Variants in PALLD observed in about 807,000 individuals in gnomAD.
PALLD encodes palladin.
PALLD carries 61 observed loss-of-function variants against 123.5 expected under a neutral mutation model. The ratio of observed to expected loss-of-function variants is 0.49; its 90% CI spans 0.40 to 0.61. The LOEUF (loss-of-function observed/expected upper bound fraction) is 0.61, where lower values mean the gene tolerates loss of function less well. Ranked by LOEUF, PALLD falls within the 20% of genes least tolerant of loss-of-function variation. The pLI, the probability that PALLD is intolerant of heterozygous loss-of-function variation, is 0.00. For missense variants in PALLD, 1,273 were observed against 1,377.0 expected (o/e 0.92, Z 1.20); for synonymous variants, 465 against 496.4 (o/e 0.94, Z 0.84).
intron 10 of PALLD, among the ~76,000 whole-genome samples, chr4:168,850,209 A>C (rs1292962260): frequency 6.6e-6 from 1 of 152,178 alleles, no homozygotes; most frequent in Non-Finnish European, 1.5e-5. Flanking sequence ...GCGAGGCCTC[A>C]GCCCTCCTGC....
At chr4:168,853,766 C>T (rs1054920632) in intron 10 of PALLD, among the ~76,000 whole-genome samples, 3 of 152,098 alleles carry the variant, frequency 2.0e-5, no homozygotes, top group Admixed American at 1.3e-4. Context: ...GCGAAAGTCA[C>T]TGGGGACAGG....
chr4:168,620,670 T>G (rs1251881180), intron 2 of PALLD, among the ~76,000 whole-genome samples: 1 of 152,138 alleles, frequency 6.6e-6, no homozygotes, highest in African/African-American at 2.4e-5. Context: ...GGCACCCTAG[T>G]CTGTGCGGCC....
At position 168,715,816 on chromosome 4, in the gene PALLD, G is replaced by T. The variant is rs532333218; in HGVS notation, c.1964+3893G>T. Among the ~76,000 whole-genome samples the T allele has an allele frequency of 1.3e-3, 201 of 152,270 alleles. 1 individual carries two copies. Among genetic ancestry groups the T allele is most frequent in the African/African-American group, 3.1e-3 (130 of 41,530 alleles). On this transcript the variant is annotated intron_variant, in intron 10 of 21. Coordinates refer to ENST00000505667, the MANE Select transcript of PALLD (RefSeq NM_001166108.2). ...ATACAAAAAATTAGCCGGGCGTGGT[G>T]GCAGGTGCCTGTAGTCCCAGCTACT...
intron 10 of PALLD, among the ~76,000 whole-genome samples, chr4:168,744,153 T>A (rs1788630629): frequency 6.6e-6 from 1 of 151,954 alleles, no homozygotes; most frequent in South Asian, 2.1e-4. Context: ...ATAGGATATT[T>A]CCCTCTCCAA....
intron 2 of PALLD, among the ~76,000 whole-genome samples, chr4:168,599,784 T>G (rs1199130508): frequency 2.0e-5 from 3 of 152,076 alleles, no homozygotes; most frequent in African/African-American, 7.2e-5. Context: ...CTATAGAAAT[T>G]TTTAAAATAA....
intron 2 of PALLD, among the ~76,000 whole-genome samples, chr4:168,650,291 C>T (rs898596934): frequency 8.5e-5 from 13 of 152,146 alleles, no homozygotes; most frequent in Non-Finnish European, 2.9e-5. Context: ...TAACTTCTTC[C>T]CTCAGCCTCT....
Position 168,760,783 on chromosome 4 carries a change from C to A in PALLD, c.1964+48860C>A, listed in dbSNP as rs571480714. 3.9e-5 allele frequency among the ~76,000 whole-genome samples: 6 copies of A among 152,314 alleles called. No homozygotes were observed. The East Asian group carries it at 1.2e-3, about 29-fold the overall frequency. ...ACTTTTCTGTTTTCTCCTTCAGGTA[C>A]CTGGTCCTTGAAATTGAAACCTAGA... On this transcript the variant is annotated intron_variant, in intron 10 of 21. Transcript: ENST00000505667.
At chr4:168,565,584 G>A (rs577168460) in intron 2 of PALLD, among the ~76,000 whole-genome samples, 1 of 152,182 alleles carries the variant, frequency 6.6e-6, no homozygotes, top group African/African-American at 2.4e-5. Context: ...GAGGTCAGGT[G>A]GCCAGGTCTA....
chr4:168,528,186 C>T (rs758519943), intron 2 of PALLD, among the ~76,000 whole-genome samples: 1 of 152,186 alleles, frequency 6.6e-6, no homozygotes, highest in South Asian at 2.1e-4. Context: ...GATGATGACC[C>T]ATAATTATTA....
At chr4:168,620,379 C>T (rs1021384422) in intron 2 of PALLD, among the ~76,000 whole-genome samples, 10 of 152,090 alleles carry the variant, frequency 6.6e-5, no homozygotes, top group Non-Finnish European at 1.3e-4. Flanking sequence ...CGCTTGAACT[C>T]GGGAGGCAGA....
intron 10 of PALLD, among the ~76,000 whole-genome samples, chr4:168,768,991 G>A (rs1330403279): frequency 1.3e-5 from 2 of 152,206 alleles, no homozygotes; most frequent in Non-Finnish European, 2.9e-5. Flanking sequence ...ACCATGCCCA[G>A]CTAATTTTTT....
intron 2 of PALLD, among the ~76,000 whole-genome samples, chr4:168,657,252 A>G (rs942792479): frequency 2.6e-5 from 4 of 152,236 alleles, no homozygotes; most frequent in Non-Finnish European, 5.9e-5. Flanking sequence ...AGCTCTAAAA[A>G]GTTCTGTTTA....
intron 2 of PALLD, among the ~76,000 whole-genome samples, chr4:168,615,358 ATCT>A (rs1161465103): frequency 6.6e-6 from 1 of 152,186 alleles, no homozygotes; most frequent in Non-Finnish European, 1.5e-5. Flanking sequence ...AAAACAATTT[ATCT>A]TCATTACCAT....
intron 10 of PALLD, among the ~76,000 whole-genome samples, chr4:168,818,982 CTTTAT>C (rs2150782574): frequency 6.6e-6 from 1 of 152,160 alleles, no homozygotes; most frequent in South Asian, 2.1e-4. Context: ...TTTTTGTCAT[CTTTAT>C]TTTGTGTTTT....
chr4:168,886,035 G>A (rs1457768867), intron 10 of PALLD, among the ~76,000 whole-genome samples: 5 of 152,144 alleles, frequency 3.3e-5, no homozygotes, highest in Non-Finnish European at 7.4e-5. Context: ...AGAAAGCTCA[G>A]TAAAGGAAGA....
intron 2 of PALLD, among the ~76,000 whole-genome samples, chr4:168,614,815 G>A (rs916842236): frequency 7.9e-5 from 12 of 152,226 alleles, no homozygotes; most frequent in African/African-American, 2.9e-4. Flanking sequence ...AAAAGCATGC[G>A]TTCCTCCCCA....
intron 2 of PALLD, among the ~76,000 whole-genome samples, chr4:168,636,630 G>C (rs937742790): frequency 2.6e-5 from 4 of 152,144 alleles, no homozygotes; most frequent in Admixed American, 6.5e-5. Flanking sequence ...AAAATTACAG[G>C]CCATTCCAGC....
At chr4:168,644,091 CTTT>C (rs10719083) in intron 2 of PALLD, among the ~76,000 whole-genome samples, 3 of 138,968 alleles carry the variant, frequency 2.2e-5, no homozygotes, top group African/African-American at 2.7e-5. Flanking sequence ...ATGTTGATAT[CTTT>C]TTTTTTTTTT....
At chr4:168,695,207 C>G (rs1783027350) in intron 8 of PALLD, among the ~76,000 whole-genome samples, 1 of 152,096 alleles carries the variant, frequency 6.6e-6, no homozygotes, top group Non-Finnish European at 1.5e-5. Flanking sequence ...TTCTCTGATT[C>G]AAAATATAAA....
Sources: allele counts gnomAD v4.1 joint callset (sites outside exome capture counted in the v4.1 genomes callset), GRCh38; gene constraint gnomAD v4.1.1; transcripts MANE v1.5; gene names NCBI Gene and HGNC (gene_info 2026-07-23, HGNC 2026-07-21).